Variants in MTA3 observed in about 807,000 individuals in gnomAD.
MTA3 encodes the protein metastasis associated 1 family member 3, also known as metastasis-associated protein MTA3.
In MTA3, 34 loss-of-function variants were observed where a neutral mutation model predicts 83.5. The observed-to-expected ratio is 0.41, with a 90% CI of 0.31 to 0.54. MTA3 has a LOEUF of 0.54. Among genes scored for constraint, MTA3 ranks in the 20% least tolerant of loss-of-function variants. The probability of loss-of-function intolerance (pLI) is 0.33; values close to 1 mark genes in which losing one functional copy is unlikely to be tolerated. For missense variants in MTA3, 761 were observed against 726.4 expected, an observed-to-expected ratio of 1.05 and a Z score of -0.55; for synonymous variants, 303 against 252.7, an observed-to-expected ratio of 1.20 and a Z score of -1.89.
At chr2:42,738,097 A>T (rs975608696) in intron 16 of MTA3, among the ~76,000 whole-genome samples, 1 of 152,144 alleles carries the variant, frequency 6.6e-6, no homozygotes, top group Admixed American at 6.6e-5. Flanking sequence ...CCTTGTCCCT[A>T]CAAAAAATAC....
intron 3 of MTA3, among the ~76,000 whole-genome samples, chr2:42,607,101 GGT>G (rs1216773420): frequency 9.0e-5 from 1 of 11,146 alleles, no homozygotes; most frequent in Non-Finnish European, 1.5e-4. Flanking sequence ...TAGGGGTAGA[GGT>G]AGAGGTAGAG....
chr2:42,686,877 G>C (rs1249450732), intron 9 of MTA3, among the ~76,000 whole-genome samples: 1 of 151,534 alleles, frequency 6.6e-6, no homozygotes, highest in African/African-American at 2.4e-5. Context: ...CAAGCACTTA[G>C]GGAGGCTGAG....
chr2:42,541,439 C>T (rs1198320774), intron 2 of MTA3, among the ~76,000 whole-genome samples: 1 of 152,218 alleles, frequency 6.6e-6, no homozygotes, highest in Non-Finnish European at 1.5e-5. Flanking sequence ...CATGAGGATA[C>T]ACAACCTGTA....
chr2:42,673,374 A>T (rs1691019037), intron 8 of MTA3, among the ~76,000 whole-genome samples: 1 of 152,188 alleles, frequency 6.6e-6, no homozygotes. Context: ...GTTCAACTTA[A>T]CAATTTTTGC....
At chr2:42,500,334 G>A (rs1674340254) in intron 2 of MTA3, among the ~76,000 whole-genome samples, 1 of 152,104 alleles carries the variant, frequency 6.6e-6, no homozygotes, top group Admixed American at 6.6e-5. Context: ...GGGAGGCGGA[G>A]GTTACAGTGA....
rs865792306 is a variant in MTA3, at chr2:42,527,803, A to G, written c.-141+32549A>G. 7.9e-5 allele frequency among the ~76,000 whole-genome samples: 12 copies of G among 151,914 alleles called. No individual in the cohort carries two copies. The Middle Eastern group carries it at 0.017, about 215-fold the overall frequency. On this transcript the variant is annotated intron_variant, in intron 2 of 17. Transcript: ENST00000405592. ...CCAGAAGGGTGAGGCCAGCCTGGTC[A>G]ATATAATAGGATCATGTCTTTAAAA... is the stretch of plus-strand genomic sequence containing the variant.
chr2:42,534,574 G>A (rs938800817), intron 2 of MTA3, among the ~76,000 whole-genome samples: 1 of 151,210 alleles, frequency 6.6e-6, no homozygotes, highest in Non-Finnish European at 1.5e-5. Flanking sequence ...TCCAGCCTGG[G>A]CGATGAGTGA....
intron 3 of MTA3, among the ~76,000 whole-genome samples, chr2:42,585,082 AAATAAT>A (rs1039148144): frequency 1.3e-5 from 2 of 150,760 alleles, no homozygotes; most frequent in East Asian, 3.9e-4. Flanking sequence ...CATAATAATC[AAATAAT>A]AATAATAATA....
intron 2 of MTA3, among the ~76,000 whole-genome samples, chr2:42,509,860 G>A (rs1171656346): frequency 1.3e-5 from 2 of 152,218 alleles, no homozygotes; most frequent in African/African-American, 4.8e-5. Flanking sequence ...GTGCTGAACT[G>A]GCTATATTAA....
rs772485331 is a variant in MTA3 at position 42,682,380 on chromosome 2, C to T, written c.703-21C>T. Reference sequence around the variant, plus strand: ...TGTTTGCATTTCTGGTTGATATTTTCTGTTCATTTTGTTTCTTTAGTTTCA... The same window carrying T: ...TGTTTGCATTTCTGGTTGATATTTTTTGTTCATTTTGTTTCTTTAGTTTCA... On this transcript the variant is annotated intron_variant, in intron 8 of 16. Transcript: ENST00000405094. The T allele has an allele frequency of 2.0e-6, 3 of 1,529,860 alleles. No homozygotes were observed. The South Asian group carries it at 3.8e-5, about 20-fold the overall frequency. The allele number at this position is 1,529,860 out of a possible 1,614,324, so 94.8% of individuals were successfully genotyped here.
intron 2 of MTA3, among the ~76,000 whole-genome samples, chr2:42,560,745 A>G (rs80008053): frequency 1.5e-4 from 22 of 145,684 alleles, no homozygotes; most frequent in African/African-American, 5.3e-4. Flanking sequence ...TCTCTACTGG[A>G]AAAAAAAAAA....
intron 2 of MTA3, among the ~76,000 whole-genome samples, chr2:42,504,982 C>T (rs1440226404): frequency 6.6e-6 from 1 of 152,170 alleles, no homozygotes; most frequent in Non-Finnish European, 1.5e-5. Flanking sequence ...CATCACCACT[C>T]TGTGGACCTT....
intron 2 of MTA3, among the ~76,000 whole-genome samples, chr2:42,530,563 C>G (rs141197220): frequency 6.6e-6 from 1 of 151,430 alleles, no homozygotes; most frequent in Non-Finnish European, 1.5e-5. Context: ...GCGGGCAGAT[C>G]ACCTGAGGTC....
intron 3 of MTA3, among the ~76,000 whole-genome samples, chr2:42,586,335 A>G (rs891640061): frequency 1.4e-4 from 21 of 151,720 alleles, no homozygotes; most frequent in Non-Finnish European, 2.4e-4. Context: ...CTGTAATCCA[A>G]GCACTTTTGG....
At chr2:42,567,388 C>G (rs1677962582), upstream of MTA3, among the ~76,000 whole-genome samples, 1 of 152,068 alleles carries the variant, frequency 6.6e-6, no homozygotes, top group Non-Finnish European at 1.5e-5. Context: ...GATAAGTGAC[C>G]ATCACAAATG....
At chr2:42,693,920 A>G (rs1693142719) in intron 9 of MTA3, among the ~76,000 whole-genome samples, 1 of 151,342 alleles carries the variant, frequency 6.6e-6, no homozygotes, top group African/African-American at 2.4e-5. Flanking sequence ...GTGTACTACT[A>G]CCCAGGCATT....
intron 16 of MTA3, among the ~76,000 whole-genome samples, chr2:42,732,012 C>T (rs925507116): frequency 3.9e-5 from 6 of 152,158 alleles, no homozygotes; most frequent in East Asian, 1.9e-4. Flanking sequence ...CCTTTGACTC[C>T]GGGTCTCATA....
chr2:42,640,261 G>GT, intron 5 of MTA3, 25 bp downstream of exon 5: 11 of 1,531,414 alleles, frequency 7.2e-6, no homozygotes, highest in South Asian at 1.2e-5. Flanking sequence ...TAGTTGTTTT[G>GT]TTTTTTTCTC....
At chr2:42,711,781 A>AGTGTGTGTGTGTGTGTGTGTGTGT (rs1328473255) in intron 14 of MTA3, among the ~76,000 whole-genome samples, 1 of 148,440 alleles carries the variant, frequency 6.7e-6, no homozygotes, top group Admixed American at 6.7e-5. Context: ...GGAGAGAGAG[A>AGTGTGTGTGTGTGTGTGTGTGTGT]GAGTGTGTGT....
Sources: gnomAD v4.1 joint callset for allele counts (sites outside exome capture counted in the v4.1 genomes callset) on GRCh38, gnomAD v4.1.1 for gene constraint, MANE v1.5 for transcripts, NCBI Gene and HGNC (gene_info 2026-07-23, HGNC 2026-07-21) for gene names.